KICS2: variants seen among roughly 807,000 people sequenced by gnomAD.
The protein encoded by KICS2 is KICSTOR subunit 2, also known as KICSTOR complex protein C12orf66.
KICS2 carries 13 observed loss-of-function variants against 31.4 expected under a neutral mutation model. The observed-to-expected ratio is 0.41, with a 90% CI of 0.27 to 0.66. The LOEUF is 0.66. Among genes scored for constraint, KICS2 ranks in the 30% least tolerant of loss-of-function variants. KICS2 has a pLI of 0.28. For missense variants in KICS2, 455 were observed against 545.4 expected (o/e 0.83, Z 1.65); for synonymous variants, 209 against 214.8 (o/e 0.97, Z 0.24).
chr12:64,212,368 G>A (rs1418236127), intron 2 of KICS2, among the ~76,000 whole-genome samples: 1 of 152,132 alleles, frequency 6.6e-6, no homozygotes, highest in Non-Finnish European at 1.5e-5. Context: ...TAATCTACTT[G>A]CTGTGTCTAT....
chr12:64,200,100 CT>C (rs2037475416), intron 2 of KICS2, among the ~76,000 whole-genome samples: 1 of 116,652 alleles, frequency 8.6e-6, no homozygotes, highest in Non-Finnish European at 1.7e-5. Context: ...TTGGAAAAAA[CT>C]ACTTTCAAGT....
At chr12:64,196,974 T>C (rs2136690727) in intron 2 of KICS2, among the ~76,000 whole-genome samples, 1 of 139,508 alleles carries the variant, frequency 7.2e-6, no homozygotes, top group East Asian at 2.1e-4. Context: ...CTACGTCTGA[T>C]TGGTGTACCT....
At chr12:64,210,174 T>A (rs977694916) in intron 2 of KICS2, among the ~76,000 whole-genome samples, 1 of 152,210 alleles carries the variant, frequency 6.6e-6, no homozygotes, top group Non-Finnish European at 1.5e-5. Context: ...TTGTTGAAAT[T>A]AACCCAAAGC....
chr12:64,195,881 C>G (rs1369774261), intron 2 of KICS2, among the ~76,000 whole-genome samples: 1 of 152,352 alleles, frequency 6.6e-6, no homozygotes. Context: ...CCGAATACTG[C>G]GCTTTTCTGA....
At chr12:64,208,720 T>C (rs1009503121) in intron 2 of KICS2, among the ~76,000 whole-genome samples, 2 of 152,184 alleles carry the variant, frequency 1.3e-5, no homozygotes, top group African/African-American at 4.8e-5. Flanking sequence ...AACAAATATA[T>C]GTACATCAAT....
chr12:64,189,045 C>A (rs1445965727), downstream of KICS2, among the ~76,000 whole-genome samples: 2 of 152,072 alleles, frequency 1.3e-5, no homozygotes, highest in Non-Finnish European at 2.9e-5. Flanking sequence ...CCCAGCTACT[C>A]AGGAGGCTGA....
chr12:64,206,824 G>A (rs1592385085), intron 2 of KICS2, among the ~76,000 whole-genome samples: 1 of 152,058 alleles, frequency 6.6e-6, no homozygotes, highest in Non-Finnish European at 1.5e-5. Flanking sequence ...AGTTATATGT[G>A]GTATCCAGAG....
At chr12:64,221,874 A>G (rs1009198695) in intron 1 of KICS2, 129 bp downstream of exon 1, 7 of 1,030,978 alleles carry the variant, frequency 6.8e-6, no homozygotes, top group South Asian at 6.6e-5. Context: ...GTGGGAGGAG[A>G]TCTGGGAATG....
rs776484826 is a variant in KICS2 at position 64,194,074 on chromosome 12, G to C, written c.1106C>G (p.Thr369Arg). Residue 369 changes from threonine to arginine, a missense_variant, in exon 3 of 3, where the codon ACG (threonine) becomes AGG (arginine). Transcript: ENST00000398055. ...GCTGTTCAGATCAGATGTGCGGTCC[G>C]TCATGATCATGATGACATTGGGCCA... ...MHWPNVIMIM[T>R]DRTSDLNSLE... is the part of the protein sequence containing the mutation. The C allele has an allele frequency of 6.2e-7, 1 of 1,614,120 alleles. No individual in the cohort carries two copies. Among genetic ancestry groups the C allele is most frequent in the Non-Finnish European group, 8.5e-7 (1 of 1,180,014 alleles).
At chr12:64,197,387 G>A (rs1408826393) in intron 2 of KICS2, among the ~76,000 whole-genome samples, 8 of 144,094 alleles carry the variant, frequency 5.6e-5, no homozygotes, top group Non-Finnish European at 3.1e-5. Context: ...ATACTTTACA[G>A]ACAAGCAAAT....
At chr12:64,203,442 C>T (rs761305332) in intron 2 of KICS2, among the ~76,000 whole-genome samples, 11 of 152,206 alleles carry the variant, frequency 7.2e-5, no homozygotes, top group Non-Finnish European at 1.3e-4. Flanking sequence ...ATCCACAGCA[C>T]CTGCAGAGGC....
chr12:64,188,827 C>T (rs908135252), downstream of KICS2, among the ~76,000 whole-genome samples: 1 of 151,894 alleles, frequency 6.6e-6, no homozygotes, highest in Non-Finnish European at 1.5e-5. Context: ...CTGGAAGATG[C>T]TAAGGAACTA....
chr12:64,217,332 A>G lies in KICS2; in HGVS notation c.236-1369T>C, dbSNP rs561812254. Among the ~76,000 whole-genome samples, 6 of 152,308 alleles carry G rather than the reference A, an allele frequency of 3.9e-5. No homozygotes were observed. The South Asian group carries it at 1.2e-3, about 32-fold the overall frequency. ...CTGACACCCCAGACAAACTACTGAT[A>G]CTTTGAAAAGTGTTTTTCCAATATA... On this transcript the variant is annotated intron_variant, in intron 1 of 2. Coordinates refer to ENST00000398055, the MANE Select transcript of KICS2 (RefSeq NM_152440.5).
intron 1 of KICS2, among the ~76,000 whole-genome samples, chr12:64,221,117 G>GT (rs1345673968): frequency 7.3e-6 from 1 of 137,282 alleles, no homozygotes; most frequent in Non-Finnish European, 1.6e-5. Context: ...AACGGGGGGG[G>GT]GTGGATCAAA....
chr12:64,194,779 G>A, intron 2 of KICS2, 121 bp from the exon 3 acceptor site: 1 of 1,294,596 alleles, frequency 7.7e-7, no homozygotes, highest in Non-Finnish European at 1.0e-6. Context: ...GACAGGGGAA[G>A]AAAAGATGGA....
chr12:64,201,633 A>AC (rs2037491001), intron 2 of KICS2, among the ~76,000 whole-genome samples: 1 of 148,810 alleles, frequency 6.7e-6, no homozygotes, highest in Non-Finnish European at 1.5e-5. Context: ...AAAAAAAAAA[A>AC]CAAAATGGTG....
intron 1 of KICS2, among the ~76,000 whole-genome samples, chr12:64,218,485 T>C (rs192083068): frequency 4.6e-5 from 7 of 152,274 alleles, no homozygotes; most frequent in Admixed American, 3.3e-4. Flanking sequence ...ACAAAGAATA[T>C]ATTCTATAAT....
chr12:64,189,429 TA>T (rs1210954486), downstream of KICS2, among the ~76,000 whole-genome samples: 25 of 152,184 alleles, frequency 1.6e-4, no homozygotes, highest in African/African-American at 5.8e-4. Context: ...TGAATCTGAT[TA>T]AACATCTTGC....
intron 1 of KICS2, among the ~76,000 whole-genome samples, chr12:64,217,024 G>C (rs1201269352): frequency 3.3e-5 from 5 of 152,070 alleles, no homozygotes; most frequent in Non-Finnish European, 2.9e-5. Flanking sequence ...CTGTAATTAG[G>C]AATAAAAATG....
Sources: gnomAD v4.1 joint callset for allele counts (sites outside exome capture counted in the v4.1 genomes callset) on GRCh38, gnomAD v4.1.1 for gene constraint, MANE v1.5 for transcripts, NCBI Gene and HGNC (gene_info 2026-07-23, HGNC 2026-07-21) for gene names.